Variants in CAMTA1 observed in about 807,000 individuals in gnomAD.
The protein encoded by CAMTA1 is calmodulin binding transcription activator 1, also known as calmodulin-binding transcription activator 1.
A neutral mutation model predicts 170.9 loss-of-function variants in CAMTA1; 27 were observed. The observed-to-expected ratio is 0.16, with a 90% CI of 0.12 to 0.22. The LOEUF is 0.22. CAMTA1 is among the 10% of genes least tolerant of loss of function. The pLI is 1.00. For missense variants in CAMTA1, 1,619 were observed against 2,217.2 expected (o/e 0.73, Z 5.42); for synonymous variants, 833 against 891.5 (o/e 0.93, Z 1.17).
chr1:6,935,747 G>A (rs1357808699), intron 3 of CAMTA1, among the ~76,000 whole-genome samples: 1 of 152,232 alleles, frequency 6.6e-6, no homozygotes, highest in Non-Finnish European at 1.5e-5. Context: ...TTCCTGGACT[G>A]AAAAGTGCTG....
At chr1:7,430,469 A>G (rs762902151) in intron 5 of CAMTA1, among the ~76,000 whole-genome samples, 22 of 147,538 alleles carry the variant, frequency 1.5e-4, no homozygotes, top group Admixed American at 7.4e-4. Flanking sequence ...TGGTGATGAC[A>G]GCGATAACAT....
chr1:7,741,908 A>G (rs2096820635), intron 16 of CAMTA1, among the ~76,000 whole-genome samples: 2 of 147,692 alleles, frequency 1.4e-5, no homozygotes, highest in African/African-American at 2.5e-5. Context: ...AAGTGCTGGG[A>G]TTACAGGTGT....
chr1:6,852,737 G>C (rs1490784794), intron 3 of CAMTA1, among the ~76,000 whole-genome samples: 4 of 152,324 alleles, frequency 2.6e-5, no homozygotes, highest in Middle Eastern at 6.8e-3. Context: ...GGACTCTGTT[G>C]TTTGGGTTTT....
intron 3 of CAMTA1, among the ~76,000 whole-genome samples, chr1:7,062,878 G>T (rs1482869132): frequency 1.3e-5 from 2 of 152,048 alleles, no homozygotes; most frequent in Non-Finnish European, 2.9e-5. Flanking sequence ...ATCTTCACGC[G>T]GCCTCCCCCA....
Position 7,625,025 on chromosome 1 carries a change from CTG to C in CAMTA1, c.511-15374_511-15373del, listed in dbSNP as rs528768274. ...AGAGCAGGCTGAATGGTCTGGTTGA[CTG>C]AGCCAAGAGGGGTGAGAAGGGTGCA... is the stretch of plus-strand genomic sequence containing the variant. On this transcript the variant is annotated intron_variant, in intron 6 of 22. Transcript: ENST00000303635. Among the ~76,000 whole-genome samples, 12 of 152,290 alleles carry C rather than the reference CTG, an allele frequency of 7.9e-5. No homozygotes were observed. The South Asian group carries it at 2.3e-3, about 29-fold the overall frequency.
chr1:7,258,954 G>T (rs535164362), intron 5 of CAMTA1, among the ~76,000 whole-genome samples: 8 of 152,258 alleles, frequency 5.3e-5, no homozygotes, highest in African/African-American at 1.9e-4. Context: ...CCCACACGCC[G>T]GGGCAAAAAT....
chr1:7,672,399 C>T (rs963155332), intron 10 of CAMTA1, among the ~76,000 whole-genome samples: 1 of 152,120 alleles, frequency 6.6e-6, no homozygotes, highest in African/African-American at 2.4e-5. Flanking sequence ...CTCCTTTTCT[C>T]CTTCTCTCTC....
chr1:7,347,208 C>T (rs2084287526), intron 5 of CAMTA1, among the ~76,000 whole-genome samples: 1 of 152,238 alleles, frequency 6.6e-6, no homozygotes, highest in African/African-American at 2.4e-5. Flanking sequence ...TTTGGGCACA[C>T]ATCACTGGCC....
intron 5 of CAMTA1, among the ~76,000 whole-genome samples, chr1:7,374,099 G>A (rs527793610): frequency 1.3e-5 from 2 of 152,316 alleles, no homozygotes; most frequent in South Asian, 4.1e-4. Flanking sequence ...TGGAAGTCCG[G>A]AGTTAGTACA....
At chr1:7,551,592 C>A (rs1321486467) in intron 6 of CAMTA1, among the ~76,000 whole-genome samples, 1 of 152,210 alleles carries the variant, frequency 6.6e-6, no homozygotes, top group Non-Finnish European at 1.5e-5. Context: ...ACTGGGGACA[C>A]TGTGGCTGCT....
At chr1:7,117,614 A>G (rs962640927) in intron 4 of CAMTA1, among the ~76,000 whole-genome samples, 7 of 152,164 alleles carry the variant, frequency 4.6e-5, no homozygotes, top group Admixed American at 1.3e-4. Flanking sequence ...GCTCCCCCCT[A>G]GTGGGCACGG....
chr1:7,743,100 G>A (rs1396819920), intron 16 of CAMTA1, among the ~76,000 whole-genome samples: 5 of 152,080 alleles, frequency 3.3e-5, no homozygotes, highest in East Asian at 1.9e-4. Context: ...CGATCCACCC[G>A]CCTCGGCCTC....
intron 3 of CAMTA1, among the ~76,000 whole-genome samples, chr1:7,059,248 TTCA>T (rs796621166): frequency 5.3e-5 from 8 of 152,300 alleles, no homozygotes; most frequent in African/African-American, 1.7e-4. Flanking sequence ...TCAAGAATGG[TTCA>T]TTAAAATAAT....
intron 4 of CAMTA1, among the ~76,000 whole-genome samples, chr1:7,139,328 T>G (rs1645757137): frequency 1.6e-5 from 2 of 122,406 alleles, no homozygotes; most frequent in Non-Finnish European, 3.7e-5. Context: ...ATATTATAAA[T>G]ATTATAAATC....
At chr1:7,507,591 A>T (rs78301996) in intron 6 of CAMTA1, among the ~76,000 whole-genome samples, 21,632 of 152,140 alleles carry the variant, frequency 0.14, 1,610 homozygotes, top group East Asian at 0.2. Flanking sequence ...CTCAAATTGC[A>T]TTTTCCGAGG....
At chr1:7,653,704 TA>T (rs34733437) in intron 7 of CAMTA1, among the ~76,000 whole-genome samples, 3,094 of 149,154 alleles carry the variant, frequency 0.021, 95 homozygotes, top group African/African-American at 0.07. Flanking sequence ...ATGAACCAAT[TA>T]AAAAAAAAAG....
intron 3 of CAMTA1, among the ~76,000 whole-genome samples, chr1:6,912,797 C>T (rs1680001193): frequency 6.6e-6 from 1 of 152,218 alleles, no homozygotes; most frequent in Non-Finnish European, 1.5e-5. Flanking sequence ...GCCAGGCGTG[C>T]TGCCCGCCTC....
At chr1:6,842,675 A>C (rs1656335289) in intron 3 of CAMTA1, among the ~76,000 whole-genome samples, 1 of 152,202 alleles carries the variant, frequency 6.6e-6, no homozygotes, top group Non-Finnish European at 1.5e-5. Flanking sequence ...AAATCCCAGC[A>C]CTTTGGGAGG....
At chr1:7,279,765 G>C (rs1671246752) in intron 5 of CAMTA1, among the ~76,000 whole-genome samples, 1 of 152,194 alleles carries the variant, frequency 6.6e-6, no homozygotes, top group African/African-American at 2.4e-5. Flanking sequence ...CTGGAATCAA[G>C]GCAAGAGGAG....
Sources: allele counts gnomAD v4.1 joint callset (sites outside exome capture counted in the v4.1 genomes callset), GRCh38; gene constraint gnomAD v4.1.1; transcripts MANE v1.5; gene names NCBI Gene and HGNC (gene_info 2026-07-23, HGNC 2026-07-21).